CASC3: variants seen among roughly 807,000 people sequenced by gnomAD.
CASC3 encodes the protein CASC3 exon junction complex subunit.
CASC3 carries 30 observed loss-of-function variants against 80.5 expected under a neutral mutation model. The ratio of observed to expected loss-of-function variants is 0.37; its 90% CI spans 0.28 to 0.51. The LOEUF is 0.51. Ranked by LOEUF, CASC3 falls within the 20% of genes least tolerant of loss-of-function variation. The pLI is 0.94. For missense variants in CASC3, 824 were observed against 922.2 expected (o/e 0.89, Z 1.38); for synonymous variants, 312 against 333.6 (o/e 0.94, Z 0.70).
rs1989591753 is a variant in CASC3, at chr17:40,171,454, C to T, written c.*1049C>T. 2 of 986,244 alleles carry T rather than the reference C, an allele frequency of 2.0e-6. No individual in the cohort carries two copies. The highest frequency in any genetic ancestry group is 2.4e-6 in the Non-Finnish European group (2 of 830,106). 61.1% of individuals were successfully genotyped at this position (986,244 alleles called of 1,614,324 possible). A position where few individuals can be genotyped will look rare whatever the true frequency, so the allele number is the denominator to read the frequency against. On this transcript the variant is annotated 3_prime_UTR_variant, in exon 14 of 14. Transcript: ENST00000264645. ...TTAAAGGCAAATATTATCCAGCAAG[C>T]AGTCTACCCTGTCCTTTGCAATTGC...
intron 3 of CASC3, 33 bp downstream of exon 3, chr17:40,141,640 ATCAGAAATGCT>A (rs1306785726): frequency 6.4e-7 from 1 of 1,571,476 alleles, no homozygotes; most frequent in Non-Finnish European, 8.7e-7. Flanking sequence ...TATGGTATAG[ATCAGAAATGCT>A]TTTTAAAAAC....
At chr17:40,150,633 A>G (rs540580996) in intron 3 of CASC3, among the ~76,000 whole-genome samples, 1 of 152,278 alleles carries the variant, frequency 6.6e-6, no homozygotes, top group East Asian at 1.9e-4. Flanking sequence ...GGCAGAAGTT[A>G]GAAGCATCAA....
At chr17:40,143,418 C>T (rs894781434) in intron 3 of CASC3, among the ~76,000 whole-genome samples, 16 of 152,116 alleles carry the variant, frequency 1.1e-4, no homozygotes, top group African/African-American at 3.9e-4. Context: ...TGTACTCCAG[C>T]CTGGGCAACA....
intron 3 of CASC3, among the ~76,000 whole-genome samples, chr17:40,141,839 G>C (rs571342664): frequency 1.3e-5 from 2 of 152,306 alleles, no homozygotes; most frequent in East Asian, 3.8e-4. Context: ...TTCTCTTCCT[G>C]TCTGAAGAAT....
intron 3 of CASC3, among the ~76,000 whole-genome samples, chr17:40,142,690 C>T (rs1015249099): frequency 1.3e-5 from 2 of 152,016 alleles, no homozygotes; most frequent in Non-Finnish European, 1.5e-5. Flanking sequence ...AGATCGAAAC[C>T]GTCCTGGCTA....
chr17:40,168,117 G>T, intron 10 of CASC3, 86 bp from the exon 11 acceptor site: 1 of 1,365,568 alleles, frequency 7.3e-7, no homozygotes, highest in Non-Finnish European at 1.0e-6. Context: ...TCCATTCTGA[G>T]CCTGATTATA....
At chr17:40,168,067 G>C in intron 10 of CASC3, 119 bp downstream of exon 10, 1 of 1,296,966 alleles carries the variant, frequency 7.7e-7, no homozygotes, top group Non-Finnish European at 1.1e-6. Context: ...CATCCTGGCT[G>C]CTTGGGCAAC....
At chr17:40,164,644 A>C (rs1450776851) in intron 7 of CASC3, among the ~76,000 whole-genome samples, 1 of 148,430 alleles carries the variant, frequency 6.7e-6, no homozygotes, top group African/African-American at 2.5e-5. Context: ...ACCGGGTTTC[A>C]CCATGTTGGC....
At chr17:40,156,833 A>G (rs1047334583) in intron 3 of CASC3, among the ~76,000 whole-genome samples, 2 of 152,160 alleles carry the variant, frequency 1.3e-5, no homozygotes, top group Non-Finnish European at 2.9e-5. Context: ...TGAGTCCAAG[A>G]GTTTGAGACT....
intron 3 of CASC3, among the ~76,000 whole-genome samples, chr17:40,151,578 C>T (rs1473611977): frequency 1.3e-5 from 2 of 151,290 alleles, no homozygotes; most frequent in Non-Finnish European, 2.9e-5. Flanking sequence ...CCTGTAGTCC[C>T]AGCTACTTGG....
At position 40,167,912 on chromosome 17, in the gene CASC3, A is replaced by C. The variant is rs1989492770; in HGVS notation, c.1714A>C (p.Met572Leu). The change falls in exon 10 of 14, where the codon ATG (methionine) becomes CTG (leucine). Residue 572 changes from methionine (M) to leucine (L), a missense_variant. Physicochemically the swap from Met to Leu is conservative, Grantham distance 15. This residue lies in a region of CASC3 where 464 missense variants were observed against 506.0 expected (regional missense o/e 0.92). Transcript: ENST00000264645. ...CCCTGCCCCGCTGCCTCCACAGGGC[A>C]TGCTTGTGCAGCCAGGAATGAACCT... is the stretch of plus-strand genomic sequence containing the variant. ...DSPAPLPPQG[M>L]LVQPGMNLPH... 2 of 1,614,144 alleles carry C rather than the reference A, an allele frequency of 1.2e-6. No homozygotes were observed. Among genetic ancestry groups the C allele is most frequent in the Non-Finnish European group, 1.7e-6 (2 of 1,180,018 alleles).
intron 3 of CASC3, among the ~76,000 whole-genome samples, chr17:40,144,658 CTTTTTTTTTT>C (rs939136950): frequency 1.7e-5 from 2 of 119,134 alleles, no homozygotes; most frequent in African/African-American, 6.6e-5. Context: ...GCCCAGCCCT[CTTTTTTTTTT>C]TTTTTTTTTT....
chr17:40,152,970 T>C (rs1989049390), intron 3 of CASC3, among the ~76,000 whole-genome samples: 1 of 150,892 alleles, frequency 6.6e-6, no homozygotes, highest in African/African-American at 2.4e-5. Context: ...AGAGACAGGG[T>C]TTCACCATGT....
intron 3 of CASC3, among the ~76,000 whole-genome samples, chr17:40,145,772 T>A (rs1007804823): frequency 1.4e-4 from 21 of 151,994 alleles, no homozygotes; most frequent in African/African-American, 5.1e-4. Flanking sequence ...TTAAAAATTT[T>A]TATTTACTGT....
intron 3 of CASC3, among the ~76,000 whole-genome samples, chr17:40,145,059 C>A (rs756429408): frequency 3.3e-5 from 5 of 151,720 alleles, no homozygotes; most frequent in Non-Finnish European, 7.4e-5. Context: ...TGGGGTTTCA[C>A]CATGTTGGTC....
intron 3 of CASC3, among the ~76,000 whole-genome samples, chr17:40,142,579 G>A (rs548030190): frequency 9.2e-5 from 14 of 152,104 alleles, no homozygotes; most frequent in Admixed American, 2.6e-4. Flanking sequence ...TGAGACCAAC[G>A]TGGCCAAAAT....
At chr17:40,157,367 A>AAATAAATT (rs1989177201) in intron 3 of CASC3, among the ~76,000 whole-genome samples, 1 of 147,872 alleles carries the variant, frequency 6.8e-6, no homozygotes, top group Non-Finnish European at 1.5e-5. Context: ...ATAAATAAAT[A>AAATAAATT]AATTAATTAA....
chr17:40,140,876 A>G, intron 1 of CASC3, 97 bp downstream of exon 1: 1 of 957,110 alleles, frequency 1.0e-6, no homozygotes, highest in Non-Finnish European at 1.5e-6. Context: ...TTGATAGTAG[A>G]TACTGGGACT....
intron 6 of CASC3, 87 bp from the exon 7 acceptor site, chr17:40,163,394 C>A: frequency 8.7e-7 from 1 of 1,147,528 alleles, no homozygotes; most frequent in Middle Eastern, 3.1e-4. Flanking sequence ...CTCGATCTCC[C>A]AAAGTGCTGG....
Sources: allele counts gnomAD v4.1 joint callset (sites outside exome capture counted in the v4.1 genomes callset), GRCh38; gene constraint gnomAD v4.1.1; regional missense constraint gnomAD v4.1.1; transcripts MANE v1.5; gene names NCBI Gene and HGNC (gene_info 2026-07-23, HGNC 2026-07-21).